TOP6BL: variants seen among roughly 807,000 people sequenced by gnomAD.
The protein encoded by TOP6BL is type 2 DNA topoisomerase 6 subunit B-like.
the TOP6BL span, chr11:66,788,109 G>A: frequency 1.5e-6 from 2 of 1,318,660 alleles, no homozygotes; most frequent in African/African-American, 1.4e-5. Context: ...AGAAATCCTG[G>A]TTCTTATCCA....
the TOP6BL span, among the ~76,000 whole-genome samples, chr11:66,747,743 C>G: frequency 6.6e-6 from 1 of 151,922 alleles, no homozygotes; most frequent in East Asian, 1.9e-4. Flanking sequence ...CTCAGCCTCC[C>G]CAGTGGCTGA....
At chr11:66,809,562 A>C in the TOP6BL span, among the ~76,000 whole-genome samples, 1 of 152,340 alleles carries the variant, frequency 6.6e-6, no homozygotes, top group South Asian at 2.1e-4. Flanking sequence ...CTTAAAATTT[A>C]TTCAGTGGCA....
chr11:66,768,253 G>GT, the TOP6BL span, among the ~76,000 whole-genome samples: 2,443 of 145,864 alleles, frequency 0.017, 39 homozygotes, highest in African/African-American at 0.049. Context: ...ACGTAATCAA[G>GT]TTTTTTTTTT....
chr11:66,797,000 A>G, the TOP6BL span, among the ~76,000 whole-genome samples: 1 of 149,484 alleles, frequency 6.7e-6, no homozygotes, highest in South Asian at 2.1e-4. Flanking sequence ...GCCCAAGGCA[A>G]TCTTTTTTTT....
the TOP6BL span, among the ~76,000 whole-genome samples, chr11:66,826,726 A>G: frequency 6.6e-6 from 1 of 151,960 alleles, no homozygotes; most frequent in South Asian, 2.1e-4. Context: ...CTTGTTGCCC[A>G]GGCTGGAGTG....
the TOP6BL span, among the ~76,000 whole-genome samples, chr11:66,799,190 G>A: frequency 1.7e-5 from 2 of 120,380 alleles, no homozygotes; most frequent in South Asian, 2.6e-4. Context: ...ATGGGTGACA[G>A]AGCAAGACTC....
the TOP6BL span, among the ~76,000 whole-genome samples, chr11:66,749,867 C>T: frequency 9.2e-5 from 14 of 152,196 alleles, no homozygotes; most frequent in African/African-American, 2.2e-4. Flanking sequence ...CGTGAGCTAC[C>T]GCACCCAGCC....
At chr11:66,783,994 T>TTTTTTG in the TOP6BL span, among the ~76,000 whole-genome samples, 2 of 151,858 alleles carry the variant, frequency 1.3e-5, no homozygotes, top group Admixed American at 1.3e-4. Context: ...CCTAGTTAAT[T>TTTTTTG]TTTTTGTTTT....
the TOP6BL span, among the ~76,000 whole-genome samples, chr11:66,837,890 A>C: frequency 8.5e-5 from 13 of 152,154 alleles, no homozygotes; most frequent in African/African-American, 2.9e-4. Flanking sequence ...GCAGGGCTCT[A>C]GGAGGCTACC....
chr11:66,745,460 C>G, the TOP6BL span, among the ~76,000 whole-genome samples: 7 of 152,214 alleles, frequency 4.6e-5, no homozygotes, highest in Non-Finnish European at 8.8e-5. Context: ...AGAGGCCACA[C>G]CTGTGCTCGG....
At chr11:66,774,843 G>C in the TOP6BL span, among the ~76,000 whole-genome samples, 1 of 151,552 alleles carries the variant, frequency 6.6e-6, no homozygotes, top group African/African-American at 2.4e-5. Context: ...GCTGGACATG[G>C]TGGCTCACGC....
the TOP6BL span, among the ~76,000 whole-genome samples, chr11:66,812,758 G>A: frequency 6.6e-6 from 1 of 152,166 alleles, no homozygotes; most frequent in Non-Finnish European, 1.5e-5. Flanking sequence ...TCTTAATGGG[G>A]TAATTTTGTC....
the TOP6BL span, among the ~76,000 whole-genome samples, chr11:66,825,908 C>T: frequency 6.6e-6 from 1 of 151,704 alleles, no homozygotes; most frequent in East Asian, 1.9e-4. Flanking sequence ...GTGGCGCGAT[C>T]TCAGCTCACT....
the TOP6BL span, chr11:66,744,850 G>C: frequency 7.6e-7 from 1 of 1,316,754 alleles, no homozygotes; most frequent in Non-Finnish European, 9.7e-7. Flanking sequence ...CGGCGGGCGG[G>C]TACCCTTCGA....
At chr11:66,755,888 A>T in the TOP6BL span, among the ~76,000 whole-genome samples, 1 of 152,174 alleles carries the variant, frequency 6.6e-6, no homozygotes, top group Non-Finnish European at 1.5e-5. Flanking sequence ...TGGCCTTCTT[A>T]TAAGTACACC....
chr11:66,843,061 C>G, the TOP6BL span: 1 of 1,569,540 alleles, frequency 6.4e-7, no homozygotes, highest in South Asian at 1.2e-5. Flanking sequence ...CCTCGGAAGC[C>G]GCCTGGAGGT....
At chr11:66,763,738 A>G in the TOP6BL span, among the ~76,000 whole-genome samples, 3 of 152,070 alleles carry the variant, frequency 2.0e-5, no homozygotes, top group East Asian at 1.9e-4. Flanking sequence ...TTGAGTAGCT[A>G]GGGTCACATG....
chr11:66,760,040 C>T, the TOP6BL span, among the ~76,000 whole-genome samples: 1 of 151,918 alleles, frequency 6.6e-6, no homozygotes, highest in Non-Finnish European at 1.5e-5. Context: ...CCTATTTTTT[C>T]CTAATGAATT....
chr11:66,788,468 T>G, the TOP6BL span, among the ~76,000 whole-genome samples: 2 of 152,094 alleles, frequency 1.3e-5, no homozygotes, highest in Admixed American at 1.3e-4. Flanking sequence ...CCACTCTGAG[T>G]GATTGTGATT....
Sources: allele counts gnomAD v4.1 joint callset (sites outside exome capture counted in the v4.1 genomes callset), GRCh38; gene constraint gnomAD v4.1.1; transcripts MANE v1.5; gene names NCBI Gene and HGNC (gene_info 2026-07-23, HGNC 2026-07-21).